Variants in OLA1 observed in about 807,000 individuals in gnomAD.
OLA1 encodes Obg like ATPase 1.
Under a neutral mutation model 48.4 loss-of-function variants are expected in OLA1, and 14 were observed. That is an observed-to-expected ratio of 0.29 (90% CI 0.19 to 0.45). The LOEUF (loss-of-function observed/expected upper bound fraction) is 0.45, where lower values mean the gene tolerates loss of function less well. Among genes scored for constraint, OLA1 ranks in the 20% least tolerant of loss-of-function variants. OLA1 has a pLI of 1.00. For missense variants in OLA1, 325 were observed against 467.1 expected (o/e 0.70, Z 2.80); for synonymous variants, 127 against 150.4 (o/e 0.84, Z 1.14).
intron 4 of OLA1, among the ~76,000 whole-genome samples, chr2:174,148,217 T>A (rs1686659211): frequency 6.6e-6 from 1 of 152,140 alleles, no homozygotes; most frequent in Non-Finnish European, 1.5e-5. Context: ...TGAAACCCCA[T>A]CTCTAATAAA....
intron 4 of OLA1, among the ~76,000 whole-genome samples, chr2:174,182,632 C>A (rs976998925): frequency 6.6e-6 from 1 of 152,216 alleles, no homozygotes; most frequent in Middle Eastern, 3.4e-3. Flanking sequence ...CAGCAATGGG[C>A]CACTTCACCT....
chr2:174,135,141 C>T (rs966309916), intron 5 of OLA1, among the ~76,000 whole-genome samples: 5 of 120,622 alleles, frequency 4.1e-5, no homozygotes, highest in African/African-American at 1.6e-4. Flanking sequence ...GCCTGGGCGA[C>T]AGAGCAAGAC....
intron 3 of OLA1, among the ~76,000 whole-genome samples, chr2:174,224,289 C>T (rs1227828461): frequency 2.6e-5 from 4 of 152,150 alleles, no homozygotes; most frequent in East Asian, 1.9e-4. Flanking sequence ...TGCCCCCTCT[C>T]GGTACCTATA....
intron 2 of OLA1, among the ~76,000 whole-genome samples, chr2:174,241,461 G>A (rs1359890153): frequency 1.3e-5 from 2 of 152,108 alleles, no homozygotes; most frequent in South Asian, 2.1e-4. Context: ...TTTCACAGAC[G>A]CTGTGATTGG....
intron 4 of OLA1, among the ~76,000 whole-genome samples, chr2:174,205,747 A>T (rs1574550250): frequency 6.6e-6 from 1 of 152,274 alleles, no homozygotes; most frequent in African/African-American, 2.4e-5. Context: ...GAGTGGGAGG[A>T]GAAGATGGAC....
chr2:174,125,864 C>A (rs2105369493), intron 5 of OLA1, among the ~76,000 whole-genome samples: 1 of 152,196 alleles, frequency 6.6e-6, no homozygotes, highest in South Asian at 2.1e-4. Context: ...TCCTTAAAGC[C>A]ACATTCAAAT....
Position 174,203,864 on chromosome 2 carries a change from G to A in OLA1, c.373+19169C>T, listed in dbSNP as rs547850503. On this transcript the variant is annotated intron_variant, in intron 4 of 10. Coordinates refer to ENST00000284719, the MANE Select transcript of OLA1 (RefSeq NM_013341.5). The stretch of plus-strand genomic sequence containing the variant: ...GGCTGGAGTGCAACAGCACGATCTC[G>A]GCTCACTGCAACCTCTGCCGCCCGG... Among the ~76,000 whole-genome samples, 17 of 148,726 alleles carry A rather than the reference G, an allele frequency of 1.1e-4. 1 individual carries two copies. The highest frequency in any genetic ancestry group is 4.0e-4 in the African/African-American group (16 of 40,328).
intron 2 of OLA1, among the ~76,000 whole-genome samples, chr2:174,241,192 A>T (rs116768100): frequency 1.9e-3 from 285 of 152,298 alleles, no homozygotes; most frequent in African/African-American, 6.6e-3. Flanking sequence ...ATCTGTTAAA[A>T]TGGCCATCTT....
intron 3 of OLA1, among the ~76,000 whole-genome samples, chr2:174,225,741 G>T (rs11691936): frequency 0.13 from 20,006 of 152,220 alleles, 1,783 homozygotes; most frequent in Non-Finnish European, 0.2. Flanking sequence ...GGGTAGAATG[G>T]CCTAAATTTG....
In OLA1 at chr2:174,075,352, T is replaced by C; in HGVS notation, c.*74A>G. On this transcript the variant is annotated 3_prime_UTR_variant, in exon 11 of 11. Coordinates refer to ENST00000284719, the MANE Select transcript of OLA1 (RefSeq NM_013341.5). ...CCCCAACTTTATTTGTCGCATTGGT[T>C]TTCAGAAATTTTAATTTTTTAAAAA... 1.2e-6 allele frequency: 1 copy of C among 815,922 alleles called. No individual in the cohort carries two copies. The highest frequency in any genetic ancestry group is 1.6e-5 in the South Asian group (1 of 62,532). The allele number at this position is 815,922 out of a possible 1,614,324, so 50.5% of individuals were successfully genotyped here. A position where few individuals can be genotyped will look rare whatever the true frequency, so the allele number is the denominator to read the frequency against.
chr2:174,094,077 G>A (rs192232692), intron 7 of OLA1, among the ~76,000 whole-genome samples: 3 of 152,222 alleles, frequency 2.0e-5, no homozygotes, highest in Admixed American at 6.5e-5. Context: ...AGACTAGAGA[G>A]GGCCTGCATC....
At chr2:174,114,404 G>A (rs976563214) in intron 7 of OLA1, among the ~76,000 whole-genome samples, 7 of 149,294 alleles carry the variant, frequency 4.7e-5, no homozygotes, top group South Asian at 4.3e-4. Context: ...TGGAGGAAGC[G>A]GGGAAGCAGG....
chr2:174,157,823 C>T (rs780453203), intron 4 of OLA1, among the ~76,000 whole-genome samples: 1 of 152,114 alleles, frequency 6.6e-6, no homozygotes, highest in Non-Finnish European at 1.5e-5. Context: ...ATAGAGATCA[C>T]ATTCTTGGGT....
At chr2:174,082,694 A>G (rs1684883798) in intron 7 of OLA1, among the ~76,000 whole-genome samples, 1 of 152,174 alleles carries the variant, frequency 6.6e-6, no homozygotes, top group Non-Finnish European at 1.5e-5. Flanking sequence ...CAAGAATAAT[A>G]GAACTGCAGA....
intron 7 of OLA1, among the ~76,000 whole-genome samples, chr2:174,120,622 C>T (rs187462724): frequency 2.4e-4 from 37 of 152,276 alleles, no homozygotes; most frequent in Non-Finnish European, 1.0e-4. Context: ...TGCAGCCATT[C>T]CAGTTTTTGC....
chr2:174,074,079 C>A lies in OLA1; in HGVS notation c.*1347G>T, dbSNP rs113950386. On this transcript the variant is annotated 3_prime_UTR_variant, in exon 11 of 11. Transcript: ENST00000284719. ...TAGCCAAATCTTTAAAAAATCACCC[C>A]TTTTCTTGCCTCTAGTGCTACATTT... The A allele has an allele frequency of 3.1e-3, 469 of 152,262 alleles. 2 individuals are homozygous for A. The highest frequency in any genetic ancestry group is 0.011 in the African/African-American group (440 of 41,546). The allele number at this position is 152,262 out of a possible 1,614,324, so 9.4% of individuals were successfully genotyped here.
chr2:174,109,794 C>G (rs1188873371), intron 7 of OLA1, among the ~76,000 whole-genome samples: 1 of 152,110 alleles, frequency 6.6e-6, no homozygotes, highest in Non-Finnish European at 1.5e-5. Flanking sequence ...TTTTCTCTTC[C>G]AGTCCTAAAA....
intron 4 of OLA1, among the ~76,000 whole-genome samples, chr2:174,211,159 G>A (rs1220404528): frequency 6.8e-6 from 1 of 147,028 alleles, no homozygotes; most frequent in African/African-American, 2.5e-5. Context: ...CCTTCCCTTA[G>A]CCTCCCTTCC....
intron 4 of OLA1, among the ~76,000 whole-genome samples, chr2:174,185,424 G>C (rs1687636774): frequency 6.6e-6 from 1 of 152,100 alleles, no homozygotes; most frequent in African/African-American, 2.4e-5. Context: ...CACTAAAATA[G>C]GTAGGCAAAA....
Sources: gnomAD v4.1 joint callset for allele counts (sites outside exome capture counted in the v4.1 genomes callset) on GRCh38, gnomAD v4.1.1 for gene constraint, MANE v1.5 for transcripts, NCBI Gene and HGNC (gene_info 2026-07-23, HGNC 2026-07-21) for gene names.